Variants in FAM83B observed in about 807,000 individuals in gnomAD.
The protein encoded by FAM83B is protein FAM83B.
A neutral mutation model predicts 38.8 loss-of-function variants in FAM83B; 26 were observed. That is an observed-to-expected ratio of 0.67 (90% CI 0.49 to 0.93). The LOEUF is 0.93. FAM83B is among the 40% of genes least tolerant of loss of function. The pLI, the probability that FAM83B is intolerant of heterozygous loss-of-function variation, is 0.00. For synonymous variants in FAM83B, 419 were observed against 423.1 expected, an observed-to-expected ratio of 0.99 and a Z score of 0.12; for missense variants, 1,237 against 1,197.3, an observed-to-expected ratio of 1.03 and a Z score of -0.49.
intron 2 of FAM83B, among the ~76,000 whole-genome samples, chr6:54,920,835 A>G (rs1220266627): frequency 6.6e-6 from 1 of 151,914 alleles, no homozygotes; most frequent in Admixed American, 6.6e-5. Context: ...GCGTATTACT[A>G]TCAGACACAT....
chr6:54,937,130 G>A (rs932452), intron 4 of FAM83B, among the ~76,000 whole-genome samples: 46,270 of 151,004 alleles, frequency 0.31, 8,667 homozygotes, highest in East Asian at 0.8. Context: ...GCTTCAATGT[G>A]GAGAGTGTCT....
chr6:54,911,604 G>T (rs1205582497), intron 2 of FAM83B, among the ~76,000 whole-genome samples: 1 of 151,914 alleles, frequency 6.6e-6, no homozygotes, highest in African/African-American at 2.4e-5. Flanking sequence ...ATTTCGTAAG[G>T]TCAGTAATAA....
chr6:54,926,321 T>C (rs1773283876), intron 2 of FAM83B, 50 bp from the exon 3 acceptor site: 2 of 1,281,258 alleles, frequency 1.6e-6, no homozygotes, highest in South Asian at 3.4e-5. Flanking sequence ...ATTTCTTAAA[T>C]CTTTCTCTAT....
intron 2 of FAM83B, among the ~76,000 whole-genome samples, chr6:54,874,832 T>G (rs1022349083): frequency 1.3e-5 from 2 of 152,176 alleles, no homozygotes; most frequent in African/African-American, 2.4e-5. Flanking sequence ...TAATTCCTGA[T>G]GCGCTCTATA....
intron 4 of FAM83B, among the ~76,000 whole-genome samples, chr6:54,931,625 C>A (rs1259378724): frequency 6.6e-6 from 1 of 151,832 alleles, no homozygotes; most frequent in Admixed American, 6.6e-5. Flanking sequence ...TTCCTGCTTT[C>A]TCTTTTGGTT....
intron 2 of FAM83B, among the ~76,000 whole-genome samples, chr6:54,899,279 A>T (rs2127581926): frequency 6.6e-6 from 1 of 152,216 alleles, no homozygotes; most frequent in East Asian, 1.9e-4. Context: ...GAGAATCGGT[A>T]CAAGGGTTTT....
intron 1 of FAM83B, among the ~76,000 whole-genome samples, chr6:54,847,202 G>T (rs1771158944): frequency 6.6e-6 from 1 of 151,798 alleles, no homozygotes; most frequent in African/African-American, 2.4e-5. Flanking sequence ...CCCGGGAGGG[G>T]AAGCGGGAGG....
chr6:54,872,990 T>G (rs1430012941), intron 2 of FAM83B, among the ~76,000 whole-genome samples: 3 of 34,950 alleles, frequency 8.6e-5, no homozygotes, highest in Non-Finnish European at 1.8e-4. Context: ...TTGGTGCACA[T>G]GGTTTTTGTT....
At chr6:54,865,018 A>C (rs1373594036) in intron 1 of FAM83B, among the ~76,000 whole-genome samples, 1 of 152,252 alleles carries the variant, frequency 6.6e-6, no homozygotes, top group Non-Finnish European at 1.5e-5. Context: ...AATCATTTCT[A>C]AATGGTAAAT....
intron 1 of FAM83B, among the ~76,000 whole-genome samples, chr6:54,861,601 G>A (rs1038485497): frequency 6.6e-6 from 1 of 152,208 alleles, no homozygotes; most frequent in African/African-American, 2.4e-5. Context: ...GGTCCATGAT[G>A]TGGTCTCTTG....
chr6:54,911,545 T>C (rs1024290182), intron 2 of FAM83B, among the ~76,000 whole-genome samples: 2 of 152,138 alleles, frequency 1.3e-5, no homozygotes, highest in African/African-American at 4.8e-5. Flanking sequence ...TTCCCTCCTC[T>C]CAGATGACAC....
At chr6:54,911,538 C>T (rs1031161140) in intron 2 of FAM83B, among the ~76,000 whole-genome samples, 6 of 151,980 alleles carry the variant, frequency 3.9e-5, no homozygotes, top group African/African-American at 1.4e-4. Context: ...CCTTTTCTTC[C>T]CTCCTCTCAG....
chr6:54,924,851 C>A (rs1475210734), intron 2 of FAM83B, among the ~76,000 whole-genome samples: 1 of 152,162 alleles, frequency 6.6e-6, no homozygotes, highest in Non-Finnish European at 1.5e-5. Flanking sequence ...GTAGTTCTAA[C>A]TGGCCTCCAT....
intron 1 of FAM83B, among the ~76,000 whole-genome samples, chr6:54,851,381 T>C (rs1423164214): frequency 6.6e-6 from 1 of 152,130 alleles, no homozygotes; most frequent in Non-Finnish European, 1.5e-5. Flanking sequence ...ATCTTTCTTC[T>C]TTCTCATCTC....
chr6:54,905,854 C>T (rs984607944), intron 2 of FAM83B, among the ~76,000 whole-genome samples: 1 of 151,720 alleles, frequency 6.6e-6, no homozygotes, highest in Non-Finnish European at 1.5e-5. Context: ...ATGAATTCTC[C>T]ATTTCTGTTT....
chr6:54,860,806 C>A (rs1284999293), intron 1 of FAM83B, among the ~76,000 whole-genome samples: 1 of 152,104 alleles, frequency 6.6e-6, no homozygotes, highest in African/African-American at 2.4e-5. Flanking sequence ...AATCAAAGAC[C>A]TAATACTTAA....
At chr6:54,857,722 G>C (rs1771474975) in intron 1 of FAM83B, among the ~76,000 whole-genome samples, 1 of 152,014 alleles carries the variant, frequency 6.6e-6, no homozygotes, top group African/African-American at 2.4e-5. Flanking sequence ...TTTACTGAAG[G>C]GGGTACAGGA....
rs751547664 is a variant in FAM83B at position 54,940,534 on chromosome 6, G to A, written c.1563G>A (p.Glu521=). The change falls in exon 5 of 5, where the codon GAG becomes GAA. Residue 521 remains glutamate, a synonymous_variant. Transcript: ENST00000306858. ...SNGSALGDRF[E]GYDNPENLKA... is the part of the protein sequence containing the mutation. ...GATCAGCTTTAGGTGACCGATTTGA[G>A]GGCTATGATAATCCTGAGAATTTGA... is the stretch of plus-strand genomic sequence containing the variant. 3 of 1,614,018 alleles carry A rather than the reference G, an allele frequency of 1.9e-6. No individual in the cohort carries two copies. Among genetic ancestry groups the A allele is most frequent in the Admixed American group, 1.7e-5 (1 of 59,984 alleles).
At position 54,862,417 on chromosome 6, in the gene FAM83B, T is replaced by A. The variant is rs897355701; in HGVS notation, c.-60-7770T>A. Among the ~76,000 whole-genome samples, 6 of 152,144 alleles carry A rather than the reference T, an allele frequency of 3.9e-5. No homozygotes were observed. The East Asian group carries it at 1.2e-3, about 29-fold the overall frequency. ...TAAAAACAGTGAGGGAAGTAACCCT[T>A]GCTGAGGAAGCTAGGACTGTGGGAA... On this transcript the variant is annotated intron_variant, in intron 1 of 4. Transcript: ENST00000306858.
Sources: allele counts gnomAD v4.1 joint callset (sites outside exome capture counted in the v4.1 genomes callset), GRCh38; gene constraint gnomAD v4.1.1; transcripts MANE v1.5; gene names NCBI Gene and HGNC (gene_info 2026-07-23, HGNC 2026-07-21).